RIMS4: variants seen among roughly 807,000 people sequenced by gnomAD.
RIMS4 encodes the protein regulating synaptic membrane exocytosis 4, also known as regulating synaptic membrane exocytosis protein 4.
A neutral mutation model predicts 29.0 loss-of-function variants in RIMS4; 9 were observed. The observed-to-expected ratio is 0.31, with a 90% confidence interval of 0.19 to 0.54. The LOEUF (loss-of-function observed/expected upper bound fraction) is 0.54, where lower values mean the gene tolerates loss of function less well. RIMS4 is among the 20% of genes least tolerant of loss of function. The probability of loss-of-function intolerance (pLI) is 0.94; values close to 1 mark genes in which losing one functional copy is unlikely to be tolerated. For missense variants in RIMS4, 193 were observed against 365.7 expected, an observed-to-expected ratio of 0.53 and a Z score of 3.85; for synonymous variants, 130 against 152.9, an observed-to-expected ratio of 0.85 and a Z score of 1.10.
chr20:44,774,989 C>T (rs2066153473), intron 1 of RIMS4, among the ~76,000 whole-genome samples: 1 of 152,162 alleles, frequency 6.6e-6, no homozygotes, highest in Non-Finnish European at 1.5e-5. Flanking sequence ...CCCATCGATC[C>T]ATCAGGGCGG....
At chr20:44,766,780 C>T (rs566481416) in intron 2 of RIMS4, among the ~76,000 whole-genome samples, 75 of 152,254 alleles carry the variant, frequency 4.9e-4, no homozygotes, top group African/African-American at 1.7e-3. Flanking sequence ...GCCATCCCCC[C>T]ACCCCTTATT....
In RIMS4 at chr20:44,763,910, A is replaced by G. The variant is rs954429637; in HGVS notation, c.237-5726T>C. The stretch of plus-strand genomic sequence containing the variant: ...GTGATTCTCAAAGGTTTAGGAGTTT[A>G]CGGGTTCCCTGTCCATCCATTCACT... On this transcript the variant is annotated intron_variant, in intron 2 of 5. Transcript: ENST00000372851. 5.9e-5 allele frequency among the ~76,000 whole-genome samples: 9 copies of G among 152,288 alleles called. No homozygotes were observed. The South Asian group carries it at 1.2e-3, about 21-fold the overall frequency.
intron 2 of RIMS4, among the ~76,000 whole-genome samples, chr20:44,765,739 C>A (rs1397894264): frequency 6.6e-6 from 1 of 152,170 alleles, no homozygotes; most frequent in Non-Finnish European, 1.5e-5. Context: ...CTCTGCTTCC[C>A]TGGGCTGTGG....
chr20:44,784,675 C>T (rs773840938), intron 1 of RIMS4, among the ~76,000 whole-genome samples: 8 of 152,256 alleles, frequency 5.3e-5, no homozygotes, highest in Non-Finnish European at 8.8e-5. Context: ...GGGTCTCCTA[C>T]TCCTTGGATG....
intron 1 of RIMS4, among the ~76,000 whole-genome samples, chr20:44,790,820 G>C (rs2066229600): frequency 6.6e-6 from 1 of 152,222 alleles, no homozygotes; most frequent in African/African-American, 2.4e-5. Flanking sequence ...TAGCTCACAA[G>C]CCTTCTGCTT....
rs1277768907 is a variant in RIMS4 at position 44,755,171 on chromosome 20, G to A, written c.*963C>T. 6.6e-6 allele frequency: 1 copy of A among 152,508 alleles called. No individual in the cohort carries two copies. Among genetic ancestry groups the A allele is most frequent in the Non-Finnish European group, 1.5e-5 (1 of 68,030 alleles). 9.4% of individuals were successfully genotyped at this position (152,508 alleles called of 1,614,324 possible). Reference sequence around the variant, plus strand: ...ATTTGCCTCCCCAGCCCCCTGGCCTGGAGGCAGGGTGGGTAGACAGGATGA... The same window carrying A: ...ATTTGCCTCCCCAGCCCCCTGGCCTAGAGGCAGGGTGGGTAGACAGGATGA... On this transcript the variant is annotated 3_prime_UTR_variant, in exon 6 of 6. Transcript: ENST00000372851.
intron 1 of RIMS4, among the ~76,000 whole-genome samples, chr20:44,775,309 C>T (rs1261983563): frequency 2.0e-5 from 3 of 152,118 alleles, no homozygotes; most frequent in African/African-American, 7.2e-5. Flanking sequence ...TTCTGTGAGC[C>T]CCTCCCCACT....
At position 44,757,784 on chromosome 20, in the gene RIMS4, C is replaced by A; in HGVS notation, c.350-13G>T. On this transcript the variant is annotated splice_polypyrimidine_tract_variant and intron_variant, in intron 3 of 5. Transcript: ENST00000372851. Reference sequence around the variant, plus strand: ...ATCTCCACATCCCCTGGAAGAGGCACCAAGAGATGAGACTGGGAAATGGTT... The same window carrying A: ...ATCTCCACATCCCCTGGAAGAGGCAACAAGAGATGAGACTGGGAAATGGTT... 5.0e-6 allele frequency: 8 copies of A among 1,605,698 alleles called. No individual in the cohort carries two copies. Among genetic ancestry groups the A allele is most frequent in the Non-Finnish European group, 6.8e-6 (8 of 1,172,620 alleles).
At chr20:44,802,195 A>G (rs1369534418) in intron 1 of RIMS4, among the ~76,000 whole-genome samples, 1 of 152,162 alleles carries the variant, frequency 6.6e-6, no homozygotes, top group Non-Finnish European at 1.5e-5. Context: ...GGAACCTACT[A>G]TGTGCCGAGG....
chr20:44,773,311 C>T (rs1002930725), intron 1 of RIMS4, among the ~76,000 whole-genome samples: 2 of 152,100 alleles, frequency 1.3e-5, no homozygotes, highest in Non-Finnish European at 2.9e-5. Flanking sequence ...TCTGCAGCCT[C>T]CCCCGACCCT....
At chr20:44,757,148 TG>T in intron 4 of RIMS4, 111 bp from the exon 5 acceptor site, 1 of 1,226,328 alleles carries the variant, frequency 8.2e-7, no homozygotes, top group South Asian at 1.4e-5. Flanking sequence ...TGTGCCCCCA[TG>T]GGGTCTGGGG....
At chr20:44,794,546 C>A (rs1601041704) in intron 1 of RIMS4, among the ~76,000 whole-genome samples, 1 of 152,164 alleles carries the variant, frequency 6.6e-6, no homozygotes, top group East Asian at 1.9e-4. Context: ...AAATATAAAG[C>A]CGGCATTTTA....
At chr20:44,765,341 T>G (rs1336584407) in intron 2 of RIMS4, among the ~76,000 whole-genome samples, 1 of 152,112 alleles carries the variant, frequency 6.6e-6, no homozygotes, top group Non-Finnish European at 1.5e-5. Context: ...CACCACTCAC[T>G]AGTCGTGGAG....
chr20:44,780,713 C>T (rs1468418201), intron 1 of RIMS4, among the ~76,000 whole-genome samples: 1 of 152,170 alleles, frequency 6.6e-6, no homozygotes, highest in Non-Finnish European at 1.5e-5. Context: ...GGGATGTGAT[C>T]CTGGTTCAAC....
At chr20:44,773,135 T>G (rs1378362158) in intron 1 of RIMS4, among the ~76,000 whole-genome samples, 2 of 152,026 alleles carry the variant, frequency 1.3e-5, no homozygotes, top group Non-Finnish European at 2.9e-5. Context: ...CAGGTCTGAG[T>G]GTGCTCCCAG....
chr20:44,794,022 CTG>C (rs746982363), intron 1 of RIMS4, among the ~76,000 whole-genome samples: 196 of 152,328 alleles, frequency 1.3e-3, no homozygotes, highest in Non-Finnish European at 2.5e-3. Flanking sequence ...TGGGCCATGA[CTG>C]AGCCAGTGCA....
intron 1 of RIMS4, 99 bp from the exon 2 acceptor site, chr20:44,771,512 G>C: frequency 7.3e-7 from 1 of 1,367,958 alleles, no homozygotes. Context: ...AGCAGCTGGG[G>C]GCTGTCCAGC....
rs144623142 is a variant in RIMS4 at position 44,795,646 on chromosome 20, G to C, written c.97+14529C>G. ...GACTCCATCTCCAAAAAAAAAAATA[G>C]GGATAGCCCCCAAAACAACCTCACA... On this transcript the variant is annotated intron_variant, in intron 1 of 5. Transcript: ENST00000372851. 2.6e-5 allele frequency among the ~76,000 whole-genome samples: 4 copies of C among 152,002 alleles called. No individual in the cohort carries two copies. The East Asian group carries it at 7.8e-4, about 29-fold the overall frequency.
chr20:44,753,731 C>T lies in RIMS4; in HGVS notation c.*2403G>A, dbSNP rs1173052255. The stretch of plus-strand genomic sequence containing the variant: ...AGTTCCCACACCCAATGGTCACAGC[C>T]CCTGGGAAGGGGCACATGCTCACGA... On this transcript the variant is annotated 3_prime_UTR_variant, in exon 6 of 6. Transcript: ENST00000372851. 1 of 152,564 alleles carries T rather than the reference C, an allele frequency of 6.6e-6. No homozygotes were observed. The highest frequency in any genetic ancestry group is 1.5e-5 in the Non-Finnish European group (1 of 68,094). The allele number at this position is 152,564 out of a possible 1,614,324, so 9.5% of individuals were successfully genotyped here. A position where few individuals can be genotyped will look rare whatever the true frequency, so the allele number is the denominator to read the frequency against.
Sources: allele counts gnomAD v4.1 joint callset (sites outside exome capture counted in the v4.1 genomes callset), GRCh38; gene constraint gnomAD v4.1.1; transcripts MANE v1.5; gene names NCBI Gene and HGNC (gene_info 2026-07-23, HGNC 2026-07-21).